The following CASD1 variants were observed in gnomAD, a reference collection of about 807,000 sequenced individuals.
The protein encoded by CASD1 is N-acetylneuraminate (7)9-O-acetyltransferase.
Under a neutral mutation model 100.0 loss-of-function variants are expected in CASD1, and 41 were observed. The observed-to-expected ratio is 0.41, with a 90% CI of 0.32 to 0.53. The LOEUF is 0.53. CASD1 is among the 20% of genes least tolerant of loss of function. The pLI, the probability that CASD1 is intolerant of heterozygous loss-of-function variation, is 0.25. For missense variants in CASD1, 774 were observed against 948.7 expected (o/e 0.82, Z 2.42); for synonymous variants, 321 against 315.6 (o/e 1.02, Z -0.18).
the CASD1 span, among the ~76,000 whole-genome samples, chr7:94,570,079 C>G: frequency 6.6e-6 from 1 of 152,144 alleles, no homozygotes; most frequent in East Asian, 1.9e-4. Context: ...TCCCAAAGTG[C>G]TGGGATTACA....
chr7:94,570,889 T>C, the CASD1 span, among the ~76,000 whole-genome samples: 1 of 152,192 alleles, frequency 6.6e-6, no homozygotes, highest in Admixed American at 6.5e-5. Context: ...TGTATTTAAC[T>C]TTACTGGAGA....
the CASD1 span, among the ~76,000 whole-genome samples, chr7:94,579,164 T>C: frequency 6.7e-6 from 1 of 149,802 alleles, no homozygotes; most frequent in Non-Finnish European, 1.5e-5. Context: ...CAGTATTCAC[T>C]CAATGAATGA....
rs35005944 is a variant in CASD1 at position 94,543,653 on chromosome 7, CAA to C, written c.1357-746_1357-745del. 3.0e-3 allele frequency among the ~76,000 whole-genome samples: 418 copies of C among 139,396 alleles called. 5 individuals carry two copies. Among genetic ancestry groups the C allele is most frequent in the Non-Finnish European group, 4.2e-3 (269 of 64,284 alleles). 91.4% of individuals were successfully genotyped at this position (139,396 alleles called of 152,430 possible). On this transcript the variant is annotated intron_variant, in intron 10 of 17. Transcript: ENST00000297273. ...CTGGGCGACAGAGTGAGACTGTCTC[CAA>C]AAAAAAAAAAAGGCAGTGTACAAGT...
intron 14 of CASD1, 119 bp from the exon 15 acceptor site, chr7:94,551,219 T>C: frequency 1.4e-6 from 1 of 700,002 alleles, no homozygotes; most frequent in Non-Finnish European, 2.2e-6. Context: ...TCATAGACAC[T>C]TCAAACTTTA....
At chr7:94,600,942 T>G in the CASD1 span, 1 of 1,119,412 alleles carries the variant, frequency 8.9e-7, no homozygotes, top group South Asian at 1.3e-5. Context: ...TAAAGCATTC[T>G]TTGACAAATT....
chr7:94,539,889 G>A (rs754048230), intron 10 of CASD1, among the ~76,000 whole-genome samples: 9 of 152,064 alleles, frequency 5.9e-5, no homozygotes, highest in East Asian at 1.9e-4. Flanking sequence ...AATACAGGTG[G>A]ACCACCTTTG....
chr7:94,574,469 GTCCAAGAATTTA>G, the CASD1 span, among the ~76,000 whole-genome samples: 1 of 152,080 alleles, frequency 6.6e-6, no homozygotes, highest in African/African-American at 2.4e-5. Context: ...GGATATATGT[GTCCAAGAATTTA>G]TCCATCTCTT....
chr7:94,588,798 T>G, the CASD1 span: 1 of 1,603,308 alleles, frequency 6.2e-7, no homozygotes, highest in Non-Finnish European at 8.5e-7. Flanking sequence ...AGAGCAGACA[T>G]ACTAGAATGA....
chr7:94,545,657 T>C lies in CASD1; in HGVS notation c.1589T>C (p.Val530Ala). The C allele has an allele frequency of 1.2e-6, 2 of 1,609,686 alleles. No homozygotes were observed. Among genetic ancestry groups the C allele is most frequent in the Middle Eastern group, 1.7e-4 (1 of 6,044 alleles). ...ACTGTATGGTTCATGGTCATATATG[T>C]TACTTTAGCACTATGGCCACAAATA... is the stretch of plus-strand genomic sequence containing the variant. Reference protein sequence around the residue: ...LVTVWFMVIYVTLALWPQIIQ... With the variant: ...LVTVWFMVIYATLALWPQIIQ... Residue 530 changes from valine to alanine, a missense_variant, in exon 12 of 18, where the codon GTT (valine) becomes GCT (alanine). Val to Ala is a moderately conservative substitution (Grantham distance 64). Around this residue, in one of 5 missense-constraint regions of CASD1, gnomAD observed 453 missense variants for 532.6 expected, o/e 0.85. Transcript: ENST00000297273.
At chr7:94,614,585 G>C in the CASD1 span, among the ~76,000 whole-genome samples, 2 of 151,974 alleles carry the variant, frequency 1.3e-5, no homozygotes, top group Admixed American at 6.6e-5. Context: ...CCTGCATAGC[G>C]TTCCCATTTC....
At chr7:94,629,024 T>C in the CASD1 span, 2 of 152,170 alleles carry the variant, frequency 1.3e-5, no homozygotes, top group Non-Finnish European at 2.9e-5. Flanking sequence ...TCATATAATC[T>C]TCAAAAAGAA....
At chr7:94,559,778 G>A (rs191917837), downstream of CASD1, among the ~76,000 whole-genome samples, 25 of 152,032 alleles carry the variant, frequency 1.6e-4, no homozygotes, top group African/African-American at 5.1e-4. Context: ...CACCTTCCTC[G>A]GTCTCCCAAA....
chr7:94,554,871 G>GA (rs1796126511), intron 17 of CASD1, among the ~76,000 whole-genome samples: 1 of 152,020 alleles, frequency 6.6e-6, no homozygotes, highest in Non-Finnish European at 1.5e-5. Flanking sequence ...GACCAAGAGA[G>GA]AAAAATATTA....
chr7:94,578,854 GA>G, the CASD1 span, among the ~76,000 whole-genome samples: 5 of 152,136 alleles, frequency 3.3e-5, no homozygotes, highest in Non-Finnish European at 5.9e-5. Context: ...CCTCTGACCA[GA>G]ATGCTAAGCA....
chr7:94,533,034 T>G (rs1035860001), intron 5 of CASD1, among the ~76,000 whole-genome samples, 171 bp from the exon 6 acceptor site: 2 of 152,330 alleles, frequency 1.3e-5, no homozygotes, highest in African/African-American at 4.8e-5. Context: ...TTGGATATCC[T>G]AAATCTGTCT....
chr7:94,566,580 A>T, the CASD1 span, among the ~76,000 whole-genome samples: 2 of 152,180 alleles, frequency 1.3e-5, no homozygotes, highest in African/African-American at 2.4e-5. Context: ...GAATGATTCC[A>T]TATAGTACTT....
intron 14 of CASD1, 88 bp from the exon 15 acceptor site, chr7:94,551,250 T>A: frequency 1.9e-6 from 2 of 1,057,614 alleles, no homozygotes; most frequent in Non-Finnish European, 2.7e-6. Context: ...CTACCTACTT[T>A]TATTCATATA....
the CASD1 span, among the ~76,000 whole-genome samples, chr7:94,595,069 C>G: frequency 6.6e-6 from 1 of 152,126 alleles, no homozygotes; most frequent in African/African-American, 2.4e-5. Context: ...ATAATCTAAT[C>G]TCAGTTCTGA....
chr7:94,586,080 A>C, the CASD1 span, among the ~76,000 whole-genome samples: 2 of 150,532 alleles, frequency 1.3e-5, no homozygotes, highest in African/African-American at 4.9e-5. Context: ...AAAAAAAAAA[A>C]AAAAAAACAA....
Sources: gnomAD v4.1 joint callset for allele counts (sites outside exome capture counted in the v4.1 genomes callset) on GRCh38, gnomAD v4.1.1 for gene constraint, gnomAD v4.1.1 regional missense constraint, MANE v1.5 for transcripts, NCBI Gene and HGNC (gene_info 2026-07-23, HGNC 2026-07-21) for gene names.